Variants in RSPO2 observed in about 807,000 individuals in gnomAD.
RSPO2 encodes the protein R-spondin-2.
RSPO2 carries 14 observed loss-of-function variants against 30.9 expected under a neutral mutation model. The ratio of observed to expected loss-of-function variants is 0.45; its 90% CI spans 0.30 to 0.71. The LOEUF is 0.71. Ranked by LOEUF, RSPO2 falls within the 30% of genes least tolerant of loss-of-function variation. RSPO2 has a pLI of 0.08. For synonymous variants in RSPO2, 107 were observed against 96.4 expected (o/e 1.11, Z -0.64); for missense variants, 264 against 301.9 (o/e 0.87, Z 0.93).
chr8:108,013,176 G>C (rs1457873788), intron 2 of RSPO2, among the ~76,000 whole-genome samples: 2 of 152,108 alleles, frequency 1.3e-5, no homozygotes, highest in African/African-American at 4.8e-5. Flanking sequence ...ACTTCCTCAG[G>C]GATGCTGTAA....
chr8:107,945,119 C>A (rs368892627), intron 5 of RSPO2, among the ~76,000 whole-genome samples: 3 of 151,854 alleles, frequency 2.0e-5, no homozygotes, highest in Admixed American at 6.6e-5. Flanking sequence ...TGGGCAATGA[C>A]TTTTTCTTCC....
chr8:108,059,798 A>C (rs1237868243), intron 2 of RSPO2, among the ~76,000 whole-genome samples: 1 of 146,282 alleles, frequency 6.8e-6, no homozygotes, highest in Non-Finnish European at 1.5e-5. Flanking sequence ...TGGGAATTGA[A>C]CAATGAGAAC....
At chr8:108,022,188 T>C (rs887376470) in intron 2 of RSPO2, among the ~76,000 whole-genome samples, 5 of 152,120 alleles carry the variant, frequency 3.3e-5, no homozygotes, top group Non-Finnish European at 7.4e-5. Context: ...ACCCACCCTG[T>C]AGGCAAACAG....
intron 2 of RSPO2, among the ~76,000 whole-genome samples, chr8:108,056,508 G>A (rs1324239582): frequency 1.1e-4 from 17 of 150,256 alleles, no homozygotes; most frequent in Admixed American, 2.7e-4. Flanking sequence ...CTGTGGTCCC[G>A]GCTACTTGGG....
intron 2 of RSPO2, among the ~76,000 whole-genome samples, chr8:108,041,343 A>T (rs1376427888): frequency 2.0e-5 from 3 of 152,042 alleles, no homozygotes; most frequent in Non-Finnish European, 4.4e-5. Context: ...TATTTAATGT[A>T]TGACATTAAG....
intron 5 of RSPO2, among the ~76,000 whole-genome samples, chr8:107,956,353 A>G (rs1031286541): frequency 2.0e-5 from 3 of 152,232 alleles, no homozygotes; most frequent in African/African-American, 7.2e-5. Flanking sequence ...ACTTGGTAAA[A>G]CTTCAGTAAG....
At chr8:107,905,009 T>A (rs1365743140) in intron 5 of RSPO2, among the ~76,000 whole-genome samples, 2 of 152,066 alleles carry the variant, frequency 1.3e-5, no homozygotes, top group African/African-American at 4.8e-5. Context: ...CAGCTGTGAA[T>A]TGCTGCTATT....
intron 2 of RSPO2, among the ~76,000 whole-genome samples, chr8:108,003,454 G>T (rs10101100): frequency 0.011 from 1,709 of 150,626 alleles, 33 homozygotes; most frequent in African/African-American, 0.04. Context: ...TGGGATTACA[G>T]GTGTGAGCCA....
chr8:108,067,203 G>A (rs1812699187), intron 2 of RSPO2, among the ~76,000 whole-genome samples: 1 of 152,212 alleles, frequency 6.6e-6, no homozygotes, highest in African/African-American at 2.4e-5. Flanking sequence ...AGTGCAATGA[G>A]TGGGTGTTAT....
chr8:108,033,089 C>T (rs773549786), intron 2 of RSPO2, among the ~76,000 whole-genome samples: 31 of 146,104 alleles, frequency 2.1e-4, no homozygotes, highest in Non-Finnish European at 3.1e-4. Flanking sequence ...TTTGTAGATA[C>T]GGGGTCTCGC....
chr8:107,900,972 G>T lies in RSPO2; in HGVS notation c.*103C>A. ...CCATGTTACTGGGAACAGATACTGG[G>T]CAGAGCAGCACAAAGGCTGCACACC... On this transcript the variant is annotated 3_prime_UTR_variant, in exon 6 of 6. Transcript: ENST00000276659. 1 of 1,226,072 alleles carries T rather than the reference G, an allele frequency of 8.2e-7. No individual in the cohort carries two copies. Among genetic ancestry groups the T allele is most frequent in the Non-Finnish European group, 1.1e-6 (1 of 870,182 alleles). The allele number at this position is 1,226,072 out of a possible 1,614,324, so 75.9% of individuals were successfully genotyped here. A position where few individuals can be genotyped will look rare whatever the true frequency, so the allele number is the denominator to read the frequency against.
Position 107,915,369 on chromosome 8 carries a change from G to A in RSPO2, c.617-14179C>T, listed in dbSNP as rs10100789. On this transcript the variant is annotated intron_variant, in intron 5 of 5. Transcript: ENST00000276659. Reference sequence around the variant, plus strand: ...CTGCCAACACCTTCTTCCTTCTCCCGACTGGTTCTGTAGCACCGTGGTGGG... The same window carrying A: ...CTGCCAACACCTTCTTCCTTCTCCCAACTGGTTCTGTAGCACCGTGGTGGG... 9.2e-5 allele frequency among the ~76,000 whole-genome samples: 14 copies of A among 152,170 alleles called. No individual in the cohort carries two copies. In the South Asian group the frequency reaches 2.1e-3, roughly 23 times the overall value.
chr8:107,922,581 C>A (rs1812210096), intron 5 of RSPO2, among the ~76,000 whole-genome samples: 1 of 152,026 alleles, frequency 6.6e-6, no homozygotes, highest in African/African-American at 2.4e-5. Context: ...TTTCATAGAA[C>A]TAGAAAAAAC....
intron 2 of RSPO2, among the ~76,000 whole-genome samples, chr8:108,075,699 TTAAAC>T (rs912384986): frequency 6.6e-6 from 1 of 151,712 alleles, no homozygotes; most frequent in Non-Finnish European, 1.5e-5. Context: ...TAATTTTTCT[TTAAAC>T]TATAAAGAAT....
intron 2 of RSPO2, among the ~76,000 whole-genome samples, chr8:108,063,416 G>A (rs1033477583): frequency 6.6e-6 from 1 of 151,800 alleles, no homozygotes; most frequent in Non-Finnish European, 1.5e-5. Context: ...AATCATGAGT[G>A]AACTCCCATT....
At chr8:107,922,821 C>G (rs146883525) in intron 5 of RSPO2, among the ~76,000 whole-genome samples, 18 of 152,078 alleles carry the variant, frequency 1.2e-4, no homozygotes, top group Admixed American at 3.9e-4. Flanking sequence ...ATGAAGCTGA[C>G]AAAAACAAGC....
At chr8:107,963,610 C>G (rs555565233) in intron 3 of RSPO2, among the ~76,000 whole-genome samples, 2 of 143,410 alleles carry the variant, frequency 1.4e-5, no homozygotes, top group Admixed American at 7.2e-5. Context: ...TGCGTGTGTT[C>G]ATGGGTATGA....
chr8:107,960,164 T>C (rs932301447), intron 4 of RSPO2, among the ~76,000 whole-genome samples: 5 of 152,174 alleles, frequency 3.3e-5, no homozygotes, highest in African/African-American at 1.2e-4. Context: ...TATCAAATTA[T>C]GCATTCCAGG....
intron 2 of RSPO2, among the ~76,000 whole-genome samples, chr8:107,991,070 A>T (rs545798030): frequency 3.0e-3 from 452 of 152,256 alleles, no homozygotes; most frequent in African/African-American, 0.01. Flanking sequence ...ATCTCTACAA[A>T]AAATAAATAA....
Sources: gnomAD v4.1 joint callset for allele counts (sites outside exome capture counted in the v4.1 genomes callset) on GRCh38, gnomAD v4.1.1 for gene constraint, MANE v1.5 for transcripts, NCBI Gene and HGNC (gene_info 2026-07-23, HGNC 2026-07-21) for gene names.